The following VWA8 variants were observed in gnomAD, a reference collection of about 807,000 sequenced individuals.
The protein encoded by VWA8 is von Willebrand factor A domain containing 8, also known as von Willebrand factor A domain-containing protein 8.
VWA8 carries 221 observed loss-of-function variants against 241.5 expected under a neutral mutation model. That is an observed-to-expected ratio of 0.91 (90% CI 0.82 to 1.02). The LOEUF (loss-of-function observed/expected upper bound fraction) is 1.02, where lower values mean the gene tolerates loss of function less well. Ranked by LOEUF, VWA8 falls within the 50% of genes least tolerant of loss-of-function variation. The probability of loss-of-function intolerance (pLI) is 0.00; values close to 1 mark genes in which losing one functional copy is unlikely to be tolerated. For missense variants in VWA8, 2,322 were observed against 2,328.7 expected (o/e 1.00, Z 0.06); for synonymous variants, 852 against 827.1 (o/e 1.03, Z -0.52).
chr13:41,568,740 T>C lies in VWA8; in HGVS notation c.5610-435A>G, dbSNP rs183400757. On this transcript the variant is annotated intron_variant, in intron 44 of 44. Coordinates refer to ENST00000379310, the MANE Select transcript of VWA8 (RefSeq NM_015058.2). Reference sequence around the variant, plus strand: ...TTAGAAAACAGGCCTCTAAAAACGCTGCGCAGCCAAACCCTGAGTGGTTCT... The same window carrying C: ...TTAGAAAACAGGCCTCTAAAAACGCCGCGCAGCCAAACCCTGAGTGGTTCT... Among the ~76,000 whole-genome samples the C allele has an allele frequency of 1.1e-3, 167 of 152,328 alleles. 1 individual carries two copies. Among genetic ancestry groups the C allele is most frequent in the African/African-American group, 3.9e-3 (162 of 41,580 alleles).
chr13:41,787,655 T>A, intron 17 of VWA8, 112 bp from the exon 18 acceptor site: 1 of 687,174 alleles, frequency 1.5e-6, no homozygotes, highest in African/African-American at 1.8e-5. Flanking sequence ...TAATTACAAC[T>A]AATTAAGGAA....
chr13:41,904,953 C>A (rs1343364491), intron 4 of VWA8, among the ~76,000 whole-genome samples: 1 of 151,952 alleles, frequency 6.6e-6, no homozygotes, highest in Non-Finnish European at 1.5e-5. Context: ...GTGAAAAATG[C>A]AGGTTGTTCA....
At chr13:41,721,297 G>A in intron 25 of VWA8, 73 bp downstream of exon 25, 1 of 1,479,228 alleles carries the variant, frequency 6.8e-7, no homozygotes, top group Non-Finnish European at 9.3e-7. Flanking sequence ...AAAAACTCTG[G>A]TACAAACTGT....
At chr13:41,568,379 A>G in intron 44 of VWA8, 74 bp from the exon 45 acceptor site, 1 of 1,201,808 alleles carries the variant, frequency 8.3e-7, no homozygotes, top group Non-Finnish European at 1.2e-6. Flanking sequence ...CTGGCAAACC[A>G]CAGCCCCCTA....
intron 12 of VWA8, among the ~76,000 whole-genome samples, chr13:41,834,024 T>TGC (rs1390407119): frequency 6.6e-6 from 1 of 152,204 alleles, no homozygotes; most frequent in Admixed American, 6.5e-5. Flanking sequence ...TGAAAAGCTA[T>TGC]GCTAGGACCA....
In VWA8 at chr13:41,651,894, G is replaced by T. The variant is rs190163879; in HGVS notation, c.4611+19052C>A. Among the ~76,000 whole-genome samples, 325 of 152,338 alleles carry T rather than the reference G, an allele frequency of 2.1e-3. 1 individual carries two copies. The highest frequency in any genetic ancestry group is 7.0e-3 in the African/African-American group (291 of 41,572). On this transcript the variant is annotated intron_variant, in intron 37 of 44. Coordinates refer to ENST00000379310, the MANE Select transcript of VWA8 (RefSeq NM_015058.2). ...TTTCTCAATCCTGCTCCACCCTGGT[G>T]TGAGAAAAGAGATATCAGCAGGTCC...
intron 26 of VWA8, among the ~76,000 whole-genome samples, chr13:41,704,006 C>T (rs1353338412): frequency 6.6e-6 from 1 of 152,110 alleles, no homozygotes; most frequent in Non-Finnish European, 1.5e-5. Context: ...GTGATCTGCC[C>T]GCCTTGGCCT....
intron 26 of VWA8, among the ~76,000 whole-genome samples, chr13:41,711,649 C>T (rs1310186225): frequency 2.6e-5 from 4 of 152,096 alleles, no homozygotes; most frequent in Non-Finnish European, 4.4e-5. Flanking sequence ...CCAAGGCGGG[C>T]AGATCACGAG....
intron 21 of VWA8, among the ~76,000 whole-genome samples, chr13:41,753,102 T>C (rs2045668289): frequency 6.6e-6 from 1 of 152,118 alleles, no homozygotes; most frequent in African/African-American, 2.4e-5. Context: ...TCAAAACTTG[T>C]GAGTAGGACA....
intron 21 of VWA8, among the ~76,000 whole-genome samples, chr13:41,736,916 TC>T (rs1390889426): frequency 1.3e-5 from 2 of 150,060 alleles, no homozygotes; most frequent in African/African-American, 2.4e-5. Context: ...TGATCTTGGC[TC>T]GCTGCAACCT....
At chr13:41,805,346 G>C (rs550239851) in intron 17 of VWA8, among the ~76,000 whole-genome samples, 1 of 152,284 alleles carries the variant, frequency 6.6e-6, no homozygotes, top group Non-Finnish European at 1.5e-5. Context: ...AATGATAAAA[G>C]GGTCAATTCA....
intron 2 of VWA8, among the ~76,000 whole-genome samples, chr13:41,919,187 A>G (rs1876396817): frequency 6.6e-6 from 1 of 152,200 alleles, no homozygotes; most frequent in African/African-American, 2.4e-5. Flanking sequence ...GAAGGAAAGG[A>G]AACTTTGCCT....
At chr13:41,870,391 C>A (rs1395089365) in intron 9 of VWA8, among the ~76,000 whole-genome samples, 1 of 152,096 alleles carries the variant, frequency 6.6e-6, no homozygotes, top group African/African-American at 2.4e-5. Flanking sequence ...ATAATCCCAG[C>A]ACTTTGGGAG....
At chr13:41,630,361 C>T (rs2044718481) in intron 37 of VWA8, among the ~76,000 whole-genome samples, 1 of 151,838 alleles carries the variant, frequency 6.6e-6, no homozygotes, top group South Asian at 2.1e-4. Flanking sequence ...CTCCACCTCT[C>T]CACACCAACC....
chr13:41,580,844 C>T (rs1018033580), intron 42 of VWA8, among the ~76,000 whole-genome samples: 1 of 152,096 alleles, frequency 6.6e-6, no homozygotes, highest in Admixed American at 6.5e-5. Flanking sequence ...AAATAATTTC[C>T]AAGGCCATTC....
intron 17 of VWA8, among the ~76,000 whole-genome samples, chr13:41,810,895 T>C (rs1390556280): frequency 3.3e-5 from 5 of 152,122 alleles, no homozygotes; most frequent in African/African-American, 1.2e-4. Flanking sequence ...ATACTGACCA[T>C]GTACCCATAC....
At position 41,568,202 on chromosome 13, in the gene VWA8, C is replaced by T. The variant is rs1307548486; in HGVS notation, c.5713G>A (p.Val1905Ile). The T allele has an allele frequency of 1.9e-6, 3 of 1,613,346 alleles. No homozygotes were observed. The highest frequency in any genetic ancestry group is 1.7e-5 in the Admixed American group (1 of 60,004). The stretch of plus-strand genomic sequence containing the variant: ...AGGGTGATGAAGGGCACTTCTTAGA[C>T]ACTCGACAACATGGTGGAGGTGAAG... ...QIFTSTMLSS[V>I] is the part of the protein sequence containing the mutation. The change falls in exon 45 of 45, where the codon GTC (valine) becomes ATC (isoleucine). Residue 1905 changes from valine (V) to isoleucine (I), a missense_variant. Physicochemically the swap from Val to Ile is conservative, Grantham distance 29. Coordinates refer to ENST00000379310, the MANE Select transcript of VWA8 (RefSeq NM_015058.2).
At chr13:41,879,551 C>T (rs534689744) in intron 9 of VWA8, among the ~76,000 whole-genome samples, 1 of 151,760 alleles carries the variant, frequency 6.6e-6, no homozygotes, top group Non-Finnish European at 1.5e-5. Context: ...TCTAACTACA[C>T]CTCTCTTCTC....
chr13:41,835,895 G>T (rs1871701577), intron 12 of VWA8, among the ~76,000 whole-genome samples: 3 of 151,960 alleles, frequency 2.0e-5, no homozygotes, highest in South Asian at 4.1e-4. Context: ...CCTTGGAAAA[G>T]TAAAAAAAGA....
Sources: gnomAD v4.1 joint callset for allele counts (sites outside exome capture counted in the v4.1 genomes callset) on GRCh38, gnomAD v4.1.1 for gene constraint, MANE v1.5 for transcripts, NCBI Gene and HGNC (gene_info 2026-07-23, HGNC 2026-07-21) for gene names.